EPB41: variants seen among roughly 807,000 people sequenced by gnomAD.
The protein encoded by EPB41 is protein 4.1.
In EPB41, 65 loss-of-function variants were observed where a neutral mutation model predicts 108.0. That is an observed-to-expected ratio of 0.60 (90% CI 0.49 to 0.74). The LOEUF is 0.74. Among genes scored for constraint, EPB41 ranks in the 30% least tolerant of loss-of-function variants. The probability of loss-of-function intolerance (pLI) is 0.00; values close to 1 mark genes in which losing one functional copy is unlikely to be tolerated. For synonymous variants in EPB41, 336 were observed against 358.9 expected (o/e 0.94, Z 0.72); for missense variants, 875 against 1,037.0 (o/e 0.84, Z 2.15).
chr1:28,960,243 T>C (rs1374938036), intron 1 of EPB41, among the ~76,000 whole-genome samples: 2 of 150,962 alleles, frequency 1.3e-5, no homozygotes, highest in Non-Finnish European at 3.0e-5. Flanking sequence ...ACTCCTGGGC[T>C]CAAGTGATCC....
chr1:29,000,830 GTT>G (rs1054624883), intron 4 of EPB41, among the ~76,000 whole-genome samples: 1 of 144,926 alleles, frequency 6.9e-6, no homozygotes, highest in Non-Finnish European at 1.5e-5. Flanking sequence ...ACAGAGTGTT[GTT>G]TTTTTTTTTT....
At chr1:28,896,160 C>T (rs557936935) in intron 1 of EPB41, among the ~76,000 whole-genome samples, 1 of 152,200 alleles carries the variant, frequency 6.6e-6, no homozygotes, top group Non-Finnish European at 1.5e-5. Context: ...AACCTACCTA[C>T]CTCTTAGGCT....
intron 1 of EPB41, among the ~76,000 whole-genome samples, chr1:28,937,596 T>C (rs2094095626): frequency 6.6e-6 from 1 of 152,186 alleles, no homozygotes; most frequent in Non-Finnish European, 1.5e-5. Flanking sequence ...AGTTTCACCA[T>C]GTTGGCCAGG....
chr1:29,021,940 G>A (rs913842887), intron 7 of EPB41, among the ~76,000 whole-genome samples: 1 of 151,980 alleles, frequency 6.6e-6, no homozygotes, highest in Admixed American at 6.6e-5. Context: ...ATGATTATTC[G>A]GACTCGGTTA....
intron 7 of EPB41, among the ~76,000 whole-genome samples, chr1:29,027,692 T>G (rs572951840): frequency 1.3e-5 from 2 of 152,202 alleles, no homozygotes; most frequent in South Asian, 4.1e-4. Flanking sequence ...TGTCTCAGCC[T>G]CCAGAGTAGC....
chr1:28,974,428 G>A (rs1395911377), intron 1 of EPB41, among the ~76,000 whole-genome samples: 1 of 152,180 alleles, frequency 6.6e-6, no homozygotes, highest in Admixed American at 6.6e-5. Context: ...GTCAAATTGG[G>A]TAACCTCCAA....
chr1:28,976,261 AC>A (rs1256712969), intron 1 of EPB41, among the ~76,000 whole-genome samples: 4 of 152,140 alleles, frequency 2.6e-5, no homozygotes, highest in African/African-American at 9.7e-5. Context: ...GAGAATGTCT[AC>A]CTTGTAGAGT....
intron 5 of EPB41, among the ~76,000 whole-genome samples, chr1:29,014,642 TGCA>T (rs2096553533): frequency 6.6e-6 from 1 of 152,136 alleles, no homozygotes; most frequent in South Asian, 2.1e-4. Flanking sequence ...CCTAGCTCAT[TGCA>T]GCCTTGAACT....
chr1:28,994,377 T>G (rs1194439563), intron 3 of EPB41, among the ~76,000 whole-genome samples: 1 of 151,548 alleles, frequency 6.6e-6, no homozygotes. Flanking sequence ...TTCACCGTGT[T>G]AGCCAGGCTG....
chr1:29,057,601 T>C (rs1219299115), intron 12 of EPB41, among the ~76,000 whole-genome samples: 2 of 152,020 alleles, frequency 1.3e-5, no homozygotes, highest in Non-Finnish European at 2.9e-5. Context: ...ACACCACAGA[T>C]TGATGAGGTT....
At chr1:29,069,297 A>G (rs1650083863) in intron 16 of EPB41, 1 of 1,231,538 alleles carries the variant, frequency 8.1e-7, no homozygotes, top group Non-Finnish European at 1.0e-6. Context: ...TTTCATAGAT[A>G]ACATCTGTCT....
chr1:29,096,251 G>C, intron 16 of EPB41: 4 of 985,888 alleles, frequency 4.1e-6, no homozygotes, highest in Non-Finnish European at 4.8e-6. Context: ...GCATTCGGTA[G>C]TTCCTAGTAA....
upstream of EPB41, among the ~76,000 whole-genome samples, chr1:28,913,172 G>A (rs2092346581): frequency 6.6e-6 from 1 of 152,044 alleles, no homozygotes; most frequent in South Asian, 2.1e-4. Context: ...GGCACAGCCG[G>A]GCGCGGTGGC....
chr1:28,982,417 C>A, intron 1 of EPB41: 5 of 748,334 alleles, frequency 6.7e-6, no homozygotes, highest in Non-Finnish European at 1.0e-5. Context: ...GATCTTTGAC[C>A]CCTTGGTGAT....
chr1:29,011,641 T>A (rs1273428477), intron 4 of EPB41, among the ~76,000 whole-genome samples: 1 of 152,228 alleles, frequency 6.6e-6, no homozygotes, highest in Non-Finnish European at 1.5e-5. Context: ...TTTCCTAAAG[T>A]CACTCAGCCA....
At chr1:29,104,439 G>C (rs1666450964) in intron 17 of EPB41, among the ~76,000 whole-genome samples, 1 of 152,138 alleles carries the variant, frequency 6.6e-6, no homozygotes, top group Admixed American at 6.6e-5. Flanking sequence ...TGCACAGACA[G>C]GGTCTCGCAC....
rs1356729315 is a variant in EPB41 at position 29,053,098 on chromosome 1, A to T, written c.1637-6A>T. On this transcript the variant is annotated splice_polypyrimidine_tract_variant and splice_region_variant and intron_variant, in intron 11 of 20. Transcript: ENST00000343067. ...CTTATGCTTCCCTTTTCCCTTTCTC[A>T]CATAGCAGCAGCTGTCGATTCGGCA... is the stretch of plus-strand genomic sequence containing the variant. 6 of 1,613,494 alleles carry T rather than the reference A, an allele frequency of 3.7e-6. No individual in the cohort carries two copies. Among genetic ancestry groups the T allele is most frequent in the African/African-American group, 1.3e-5 (1 of 74,864 alleles).
intron 16 of EPB41, among the ~76,000 whole-genome samples, chr1:29,082,053 A>G (rs1230251194): frequency 6.6e-6 from 1 of 152,148 alleles, no homozygotes; most frequent in Non-Finnish European, 1.5e-5. Flanking sequence ...TTCAATAATA[A>G]TTTTCTATAA....
rs951678612 is a variant in EPB41 at position 29,018,568 on chromosome 1, G to C, written c.1124+126G>C. On this transcript the variant is annotated intron_variant, in intron 7 of 20. Transcript: ENST00000343067. The surrounding 1 kb of genome is among the most constrained non-coding windows in gnomAD (Gnocchi z 4.4). ...ATAGAAAGAGTCAGTTTCCTCCACT[G>C]TTTGACTTTGGGCAGGTTACTTAAC... is the stretch of plus-strand genomic sequence containing the variant. 7.1e-6 allele frequency: 7 copies of C among 990,164 alleles called. No homozygotes were observed. The Admixed American group carries it at 1.3e-4, about 19-fold the overall frequency. The allele number at this position is 990,164 out of a possible 1,614,324, so 61.3% of individuals were successfully genotyped here. A position where few individuals can be genotyped will look rare whatever the true frequency, so the allele number is the denominator to read the frequency against.
Sources: gnomAD v4.1 joint callset for allele counts (sites outside exome capture counted in the v4.1 genomes callset) on GRCh38, gnomAD v4.1.1 for gene constraint, Gnocchi (gnomAD v3.1) non-coding constraint, MANE v1.5 for transcripts, NCBI Gene and HGNC (gene_info 2026-07-23, HGNC 2026-07-21) for gene names.